GNG7: variants seen among roughly 807,000 people sequenced by gnomAD.
GNG7 encodes guanine nucleotide-binding protein G(I)/G(S)/G(O) subunit gamma-7.
In GNG7, 1 loss-of-function variant was observed where a neutral mutation model predicts 4.0. That is an observed-to-expected ratio of 0.25 (90% CI 0.09 to 1.18). The LOEUF (loss-of-function observed/expected upper bound fraction) is 1.18. Among genes scored for constraint, GNG7 ranks in the 50% most tolerant of loss-of-function variants. GNG7 has a pLI of 0.50. For synonymous variants in GNG7, 34 were observed against 36.9 expected (o/e 0.92, Z 0.29); for missense variants, 86 against 91.9 (o/e 0.94, Z 0.26).
intron 3 of GNG7, among the ~76,000 whole-genome samples, chr19:2,529,819 G>A (rs1978527212): frequency 6.6e-6 from 1 of 152,196 alleles, no homozygotes; most frequent in South Asian, 2.1e-4. Flanking sequence ...ACCTGCTCCT[G>A]AAGAGGGACC....
At chr19:2,605,607 C>A (rs1460876039) in intron 2 of GNG7, among the ~76,000 whole-genome samples, 1 of 138,688 alleles carries the variant, frequency 7.2e-6, no homozygotes, top group African/African-American at 2.7e-5. Context: ...TCTGCCTCCT[C>A]AGCTGAAGTG....
chr19:2,545,955 A>AAAAACAAAACAAAACAAAACAAAAC (rs71178287), intron 3 of GNG7, among the ~76,000 whole-genome samples: 1 of 151,478 alleles, frequency 6.6e-6, no homozygotes, highest in South Asian at 2.1e-4. Context: ...ACTCTGCCTC[A>AAAAACAAAACAAAACAAAACAAAAC]AAAACAAAAC....
At chr19:2,534,780 A>C (rs1978686647) in intron 3 of GNG7, among the ~76,000 whole-genome samples, 1 of 152,242 alleles carries the variant, frequency 6.6e-6, no homozygotes, top group South Asian at 2.1e-4. Context: ...AGCAGGCTTG[A>C]GACCCAAGAG....
At chr19:2,701,928 G>A (rs932583954) in intron 1 of GNG7, among the ~76,000 whole-genome samples, 1 of 133,262 alleles carries the variant, frequency 7.5e-6, no homozygotes, top group Non-Finnish European at 1.6e-5. Flanking sequence ...AGCTAGCTTG[G>A]ACCTCCAATC....
intron 1 of GNG7, among the ~76,000 whole-genome samples, chr19:2,673,760 C>T (rs1983526335): frequency 1.3e-5 from 2 of 151,432 alleles, no homozygotes; most frequent in South Asian, 2.1e-4. Context: ...GAGTTGAGTT[C>T]GTGATAATGT....
At position 2,543,193 on chromosome 19, in the gene GNG7, C is replaced by G. The variant is rs912298526; in HGVS notation, c.-38+11956G>C. Among the ~76,000 whole-genome samples the G allele has an allele frequency of 2.0e-5, 3 of 149,342 alleles. No individual in the cohort carries two copies. In the South Asian group the frequency reaches 6.3e-4, roughly 31 times the overall value. ...CTTGGCCTCCCAAAGTCCTGGGATT[C>G]CATGTATGAGACGCCGTGCCTGGCC... On this transcript the variant is annotated intron_variant, in intron 3 of 4. Transcript: ENST00000382159.
intron 2 of GNG7, among the ~76,000 whole-genome samples, chr19:2,644,390 T>G: frequency 7.1e-6 from 1 of 141,350 alleles, no homozygotes; most frequent in Admixed American, 7.1e-5. Flanking sequence ...TAATGCTCTA[T>G]CTATACATGC....
chr19:2,694,085 C>G (rs1320352376), intron 1 of GNG7, among the ~76,000 whole-genome samples: 1 of 152,066 alleles, frequency 6.6e-6, no homozygotes, highest in Non-Finnish European at 1.5e-5. Context: ...AAATTATCTT[C>G]CTTTCTCTCT....
intron 1 of GNG7, among the ~76,000 whole-genome samples, chr19:2,673,905 T>C (rs1983530165): frequency 6.6e-6 from 1 of 152,210 alleles, no homozygotes; most frequent in South Asian, 2.1e-4. Flanking sequence ...GATACATTTG[T>C]GATAATTTGT....
At chr19:2,658,467 G>C (rs985528835) in intron 1 of GNG7, among the ~76,000 whole-genome samples, 1 of 151,770 alleles carries the variant, frequency 6.6e-6, no homozygotes, top group Non-Finnish European at 1.5e-5. Flanking sequence ...ATGTACCCCC[G>C]TGTTCACAGC....
At chr19:2,630,177 G>A (rs1172496974) in intron 2 of GNG7, among the ~76,000 whole-genome samples, 1 of 152,122 alleles carries the variant, frequency 6.6e-6, no homozygotes, top group Non-Finnish European at 1.5e-5. Context: ...GCCAGAAAAA[G>A]GGAGTGAAGG....
At chr19:2,646,307 G>A (rs1215581487) in intron 1 of GNG7, 27 bp from the exon 2 acceptor site, 2 of 152,160 alleles carry the variant, frequency 1.3e-5, no homozygotes, top group Non-Finnish European at 2.9e-5. Flanking sequence ...GAGTTAGTTT[G>A]GCGTGGCTTG....
chr19:2,681,334 C>G (rs942657871), intron 1 of GNG7, among the ~76,000 whole-genome samples: 1 of 152,040 alleles, frequency 6.6e-6, no homozygotes, highest in African/African-American at 2.4e-5. Flanking sequence ...CAGGCGCCCG[C>G]CACCACGCCC....
intron 1 of GNG7, among the ~76,000 whole-genome samples, chr19:2,698,336 G>A (rs1913320760): frequency 6.6e-6 from 1 of 151,986 alleles, no homozygotes; most frequent in African/African-American, 2.4e-5. Context: ...GGCCGAGGTA[G>A]GTGGATCACC....
intron 1 of GNG7, among the ~76,000 whole-genome samples, chr19:2,692,271 T>A (rs1033573741): frequency 6.6e-6 from 1 of 152,160 alleles, no homozygotes; most frequent in Non-Finnish European, 1.5e-5. Context: ...GCATTTGAAC[T>A]TGGCTGGATT....
At chr19:2,585,890 C>T (rs1460818789) in intron 2 of GNG7, among the ~76,000 whole-genome samples, 2 of 152,194 alleles carry the variant, frequency 1.3e-5, no homozygotes, top group East Asian at 1.9e-4. Flanking sequence ...TTAGTAGAGA[C>T]GGGGTTTCAC....
intron 3 of GNG7, among the ~76,000 whole-genome samples, chr19:2,550,373 C>T (rs945730661): frequency 3.9e-5 from 6 of 152,186 alleles, no homozygotes; most frequent in African/African-American, 1.4e-4. Flanking sequence ...TACAGGCATC[C>T]AACACCAAGC....
intron 2 of GNG7, among the ~76,000 whole-genome samples, chr19:2,645,277 C>T (rs1488554109): frequency 6.8e-6 from 1 of 146,190 alleles, no homozygotes; most frequent in Non-Finnish European, 1.5e-5. Context: ...TTCGCTCTGT[C>T]ACCCAGGCTG....
intron 2 of GNG7, among the ~76,000 whole-genome samples, chr19:2,576,358 G>A (rs1195004844): frequency 6.6e-6 from 1 of 152,182 alleles, no homozygotes; most frequent in Non-Finnish European, 1.5e-5. Flanking sequence ...ATCCGCCCTG[G>A]GTGGGGCTGA....
Sources: allele counts gnomAD v4.1 joint callset (sites outside exome capture counted in the v4.1 genomes callset), GRCh38; gene constraint gnomAD v4.1.1; transcripts MANE v1.5; gene names NCBI Gene and HGNC (gene_info 2026-07-23, HGNC 2026-07-21).